Variants in BCKDHB observed in about 807,000 individuals in gnomAD.
The protein encoded by BCKDHB is branched chain keto acid dehydrogenase E1 subunit beta.
A neutral mutation model predicts 48.5 loss-of-function variants in BCKDHB; 41 were observed. That is an observed-to-expected ratio of 0.85 (90% CI 0.66 to 1.10). The LOEUF (loss-of-function observed/expected upper bound fraction) is 1.10. Among genes scored for constraint, BCKDHB ranks in the 50% least tolerant of loss-of-function variants. The pLI is 0.00. For synonymous variants in BCKDHB, 201 were observed against 174.8 expected, an observed-to-expected ratio of 1.15 and a Z score of -1.18; for missense variants, 496 against 494.2, an observed-to-expected ratio of 1.00 and a Z score of -0.03.
At chr6:80,292,803 C>T (rs1303502320) in intron 9 of BCKDHB, among the ~76,000 whole-genome samples, 1 of 152,196 alleles carries the variant, frequency 6.6e-6, no homozygotes, top group Non-Finnish European at 1.5e-5. Flanking sequence ...AGTGGAGCTA[C>T]AGGCATTGAG....
At chr6:80,136,436 A>G (rs1326345343) in intron 3 of BCKDHB, among the ~76,000 whole-genome samples, 5 of 152,162 alleles carry the variant, frequency 3.3e-5, no homozygotes, top group Non-Finnish European at 1.5e-5. Flanking sequence ...TTGGACCTTT[A>G]TTTAACACCA....
chr6:80,192,845 GTCT>G lies in BCKDHB; in HGVS notation c.743-8087_743-8085del, dbSNP rs1254568718. Among the ~76,000 whole-genome samples, 3 of 147,796 alleles carry G rather than the reference GTCT, an allele frequency of 2.0e-5. No homozygotes were observed. The East Asian group carries it at 6.0e-4, about 29-fold the overall frequency. Reference sequence around the variant, plus strand: ...AACTTTTTTTTTTTTTTGAAATGGAGTCTTGCTCTGTTGCCCAGGCTGGAGTGC... The same window carrying G: ...AACTTTTTTTTTTTTTTGAAATGGAGTGCTCTGTTGCCCAGGCTGGAGTGC... On this transcript the variant is annotated intron_variant, in intron 6 of 9. Transcript: ENST00000320393.
chr6:80,188,502 G>A (rs919371945), intron 6 of BCKDHB, among the ~76,000 whole-genome samples: 1 of 152,040 alleles, frequency 6.6e-6, no homozygotes, highest in African/African-American at 2.4e-5. Flanking sequence ...AGCCAGGTGT[G>A]GTGGTGTACT....
chr6:80,311,175 G>T (rs893891598), intron 9 of BCKDHB, among the ~76,000 whole-genome samples: 3 of 152,110 alleles, frequency 2.0e-5, no homozygotes, highest in Non-Finnish European at 4.4e-5. Flanking sequence ...CCCTACACAA[G>T]CTCTCTCTTT....
At chr6:80,192,362 C>G (rs780149493) in intron 6 of BCKDHB, among the ~76,000 whole-genome samples, 1 of 149,918 alleles carries the variant, frequency 6.7e-6, no homozygotes, top group Admixed American at 6.6e-5. Flanking sequence ...TTTTTTTTTG[C>G]GCCAGTTTTC....
chr6:80,422,493 A>G, the BCKDHB span, among the ~76,000 whole-genome samples: 3 of 152,322 alleles, frequency 2.0e-5, no homozygotes, highest in Non-Finnish European at 4.4e-5. Context: ...TCCAGACCCC[A>G]AAAAGGTAGA....
At chr6:80,406,348 G>A in the BCKDHB span, among the ~76,000 whole-genome samples, 9 of 152,220 alleles carry the variant, frequency 5.9e-5, no homozygotes, top group East Asian at 3.9e-4. Flanking sequence ...CCCAGTAATG[G>A]GATTGCCCTT....
intron 9 of BCKDHB, among the ~76,000 whole-genome samples, chr6:80,284,900 C>A (rs1226491523): frequency 6.6e-6 from 1 of 152,080 alleles, no homozygotes; most frequent in Non-Finnish European, 1.5e-5. Flanking sequence ...AAAATAGTCA[C>A]CATGCCTGTA....
chr6:80,355,710 T>TG, the BCKDHB span: 1 of 152,152 alleles, frequency 6.6e-6, no homozygotes, highest in Non-Finnish European at 1.5e-5. Context: ...CTAATTATTT[T>TG]GGGGAATTGC....
intron 9 of BCKDHB, among the ~76,000 whole-genome samples, chr6:80,287,014 T>C (rs1766656552): frequency 6.6e-6 from 1 of 152,146 alleles, no homozygotes; most frequent in South Asian, 2.1e-4. Context: ...TAAGTGACCA[T>C]AGTTTCAGCT....
At chr6:80,242,215 A>G (rs2127915850) in intron 8 of BCKDHB, among the ~76,000 whole-genome samples, 1 of 152,182 alleles carries the variant, frequency 6.6e-6, no homozygotes, top group Non-Finnish European at 1.5e-5. Context: ...ACCTTTAATC[A>G]TACTTGATAT....
At chr6:80,329,575 C>T (rs558765393) in intron 9 of BCKDHB, among the ~76,000 whole-genome samples, 1 of 152,252 alleles carries the variant, frequency 6.6e-6, no homozygotes, top group African/African-American at 2.4e-5. Flanking sequence ...TGGTTGTCCC[C>T]TGCTTCCTAC....
At chr6:80,445,871 A>G in the BCKDHB span, among the ~76,000 whole-genome samples, 3 of 152,288 alleles carry the variant, frequency 2.0e-5, no homozygotes, top group South Asian at 6.2e-4. Context: ...GTTAGGTTTA[A>G]CTGTTAGGAC....
chr6:80,249,672 G>A (rs140034377), intron 8 of BCKDHB, among the ~76,000 whole-genome samples: 84 of 152,242 alleles, frequency 5.5e-4, no homozygotes, highest in African/African-American at 1.9e-3. Flanking sequence ...AGGTAAGAGG[G>A]TGGAGTCCAA....
intron 8 of BCKDHB, among the ~76,000 whole-genome samples, chr6:80,209,692 G>A (rs1417348564): frequency 6.6e-6 from 1 of 151,916 alleles, no homozygotes; most frequent in African/African-American, 2.4e-5. Context: ...AGATCTAATT[G>A]TGAAAGGAAA....
chr6:80,225,693 C>A (rs953696306), intron 8 of BCKDHB, among the ~76,000 whole-genome samples: 18 of 152,174 alleles, frequency 1.2e-4, no homozygotes, highest in African/African-American at 4.1e-4. Flanking sequence ...ATTTTCCCTT[C>A]ACAGCAACAT....
chr6:80,391,700 AGGT>A, the BCKDHB span, among the ~76,000 whole-genome samples: 1 of 152,006 alleles, frequency 6.6e-6, no homozygotes. Flanking sequence ...TACCTAGTAC[AGGT>A]GGTGCTTAAT....
chr6:80,437,639 A>C, the BCKDHB span, among the ~76,000 whole-genome samples: 13 of 152,270 alleles, frequency 8.5e-5, no homozygotes, highest in South Asian at 2.7e-3. Flanking sequence ...TTTTATTTAA[A>C]TTTCTTTCTG....
intron 8 of BCKDHB, among the ~76,000 whole-genome samples, chr6:80,267,427 G>T (rs908618607): frequency 1.3e-5 from 2 of 152,066 alleles, no homozygotes; most frequent in Non-Finnish European, 2.9e-5. Context: ...GGTACCATGG[G>T]GTTTAATATA....
Sources: allele counts gnomAD v4.1 joint callset (sites outside exome capture counted in the v4.1 genomes callset), GRCh38; gene constraint gnomAD v4.1.1; transcripts MANE v1.5; gene names NCBI Gene and HGNC (gene_info 2026-07-23, HGNC 2026-07-21).